MACROD2: variants seen among roughly 807,000 people sequenced by gnomAD.
MACROD2 encodes the protein mono-ADP ribosylhydrolase 2.
Under a neutral mutation model 70.4 loss-of-function variants are expected in MACROD2, and 36 were observed. The observed-to-expected ratio is 0.51, with a 90% CI of 0.39 to 0.68. The LOEUF (loss-of-function observed/expected upper bound fraction) is 0.68, where lower values mean the gene tolerates loss of function less well. Ranked by LOEUF, MACROD2 falls within the 30% of genes least tolerant of loss-of-function variation. The pLI, the probability that MACROD2 is intolerant of heterozygous loss-of-function variation, is 0.00. For synonymous variants in MACROD2, 172 were observed against 178.8 expected, an observed-to-expected ratio of 0.96 and a Z score of 0.30; for missense variants, 496 against 538.4, an observed-to-expected ratio of 0.92 and a Z score of 0.78.
intron 13 of MACROD2, among the ~76,000 whole-genome samples, chr20:15,971,150 A>G (rs980643153): frequency 2.1e-4 from 32 of 152,300 alleles, no homozygotes; most frequent in African/African-American, 6.7e-4. Flanking sequence ...CACTGCTTGT[A>G]TCTTTGAAAA....
intron 3 of MACROD2, among the ~76,000 whole-genome samples, chr20:14,094,958 G>T (rs752287883): frequency 5.9e-5 from 9 of 151,766 alleles, no homozygotes; most frequent in African/African-American, 1.5e-4. Context: ...TTCCTCCTGG[G>T]CTTTGCACAA....
chr20:15,925,062 C>A (rs968912975), intron 10 of MACROD2, among the ~76,000 whole-genome samples: 2 of 152,132 alleles, frequency 1.3e-5, no homozygotes, highest in Non-Finnish European at 2.9e-5. Flanking sequence ...CTCATTTTGG[C>A]CATGATTTTC....
At chr20:15,312,796 T>G (rs1476357698) in intron 6 of MACROD2, among the ~76,000 whole-genome samples, 2 of 152,182 alleles carry the variant, frequency 1.3e-5, no homozygotes, top group East Asian at 3.8e-4. Flanking sequence ...CTATTTAAAT[T>G]TTCTACCAGT....
At chr20:14,408,298 G>A (rs1406777877) in intron 3 of MACROD2, among the ~76,000 whole-genome samples, 1 of 152,116 alleles carries the variant, frequency 6.6e-6, no homozygotes, top group Non-Finnish European at 1.5e-5. Context: ...GGATGCAGAA[G>A]TAGAACCAAA....
intron 5 of MACROD2, among the ~76,000 whole-genome samples, chr20:15,030,372 C>T (rs1345561105): frequency 1.3e-5 from 2 of 152,142 alleles, no homozygotes; most frequent in African/African-American, 4.8e-5. Context: ...ATCACTTGAG[C>T]TCAGGAGTTT....
chr20:14,827,253 C>T (rs1032780583), intron 5 of MACROD2, among the ~76,000 whole-genome samples: 1 of 150,784 alleles, frequency 6.6e-6, no homozygotes, highest in East Asian at 2.0e-4. Flanking sequence ...TATTGATATC[C>T]TTGGGATTTG....
chr20:14,719,930 G>A (rs567699272), intron 5 of MACROD2, among the ~76,000 whole-genome samples: 9 of 152,280 alleles, frequency 5.9e-5, no homozygotes, highest in Admixed American at 5.2e-4. Context: ...GGATGTGAGA[G>A]GTTAGGGATA....
chr20:15,507,740 G>A (rs904118994), intron 8 of MACROD2, among the ~76,000 whole-genome samples: 2 of 152,090 alleles, frequency 1.3e-5, no homozygotes, highest in Non-Finnish European at 2.9e-5. Context: ...CAGATCCACC[G>A]ACACTTCCAG....
intron 8 of MACROD2, among the ~76,000 whole-genome samples, chr20:15,503,317 A>G (rs1000754450): frequency 1.3e-5 from 2 of 152,226 alleles, no homozygotes; most frequent in Admixed American, 6.5e-5. Context: ...ATGATTTTAG[A>G]TATCTAATGA....
chr20:14,391,016 C>T (rs1005741960), intron 3 of MACROD2, among the ~76,000 whole-genome samples: 1 of 152,150 alleles, frequency 6.6e-6, no homozygotes, highest in African/African-American at 2.4e-5. Context: ...CACTTACATA[C>T]TGTTGGTGGG....
chr20:15,034,957 T>C (rs2075302393), intron 5 of MACROD2, among the ~76,000 whole-genome samples: 1 of 152,178 alleles, frequency 6.6e-6, no homozygotes, highest in African/African-American at 2.4e-5. Context: ...ATTGTTTAAT[T>C]AGAGCAAATG....
At chr20:15,194,245 CAAAAAAAAAAA>C (rs71190180) in intron 5 of MACROD2, among the ~76,000 whole-genome samples, 11 of 49,846 alleles carry the variant, frequency 2.2e-4, no homozygotes, top group African/African-American at 8.9e-4. Flanking sequence ...CACTCTGTCT[CAAAAAAAAAAA>C]AAAAAAAAAA....
chr20:15,995,603 G>A (rs1289183074), intron 15 of MACROD2, among the ~76,000 whole-genome samples: 1 of 147,492 alleles, frequency 6.8e-6, no homozygotes, highest in African/African-American at 2.5e-5. Flanking sequence ...GCCTGCCTCG[G>A]CCTCCCAAAG....
intron 5 of MACROD2, among the ~76,000 whole-genome samples, chr20:14,765,803 T>G (rs2072080185): frequency 6.6e-6 from 1 of 152,086 alleles, no homozygotes; most frequent in African/African-American, 2.4e-5. Context: ...TCCTTCCCAT[T>G]GTCACTATTG....
chr20:14,033,554 C>T (rs1383827436), intron 2 of MACROD2, among the ~76,000 whole-genome samples: 1 of 152,080 alleles, frequency 6.6e-6, no homozygotes, highest in Non-Finnish European at 1.5e-5. Flanking sequence ...AATATCTTTA[C>T]AGTGTTGAGT....
chr20:14,327,434 A>T (rs555716633), intron 3 of MACROD2: 1 of 1,613,584 alleles, frequency 6.2e-7, no homozygotes, highest in Non-Finnish European at 8.5e-7. Flanking sequence ...GCCATAACTG[A>T]TAGAGGTGCT....
chr20:14,217,555 A>G (rs2081633483), intron 3 of MACROD2, among the ~76,000 whole-genome samples: 1 of 151,842 alleles, frequency 6.6e-6, no homozygotes, highest in South Asian at 2.1e-4. Flanking sequence ...TTCTTTCTAT[A>G]TCTTGTGGAA....
At chr20:14,729,717 G>T (rs554570039) in intron 5 of MACROD2, among the ~76,000 whole-genome samples, 86 of 151,958 alleles carry the variant, frequency 5.7e-4, no homozygotes, top group African/African-American at 2.0e-3. Context: ...CCTTGTTAAA[G>T]GTACACACTC....
intron 3 of MACROD2, among the ~76,000 whole-genome samples, chr20:14,273,401 A>T (rs1211557245): frequency 2.7e-4 from 41 of 150,840 alleles, no homozygotes; most frequent in African/African-American, 1.0e-3. Context: ...ACTACTGGGT[A>T]CATAACGAAA....
Sources: gnomAD v4.1 joint callset for allele counts (sites outside exome capture counted in the v4.1 genomes callset) on GRCh38, gnomAD v4.1.1 for gene constraint, MANE v1.5 for transcripts, NCBI Gene and HGNC (gene_info 2026-07-23, HGNC 2026-07-21) for gene names.